PITRM1: variants seen among roughly 807,000 people sequenced by gnomAD.
PITRM1 encodes the protein pitrilysin metallopeptidase 1.
In PITRM1, 100 loss-of-function variants were observed where a neutral mutation model predicts 129.9. That is an observed-to-expected ratio of 0.77 (90% CI 0.65 to 0.91). The LOEUF is 0.91. Among genes scored for constraint, PITRM1 ranks in the 40% least tolerant of loss-of-function variants. The pLI is 0.00. For synonymous variants in PITRM1, 591 were observed against 508.8 expected (o/e 1.16, Z -2.17); for missense variants, 1,471 against 1,318.3 (o/e 1.12, Z -1.79).
chr10:3,145,478 G>C, intron 21 of PITRM1, 118 bp downstream of exon 21: 1 of 806,380 alleles, frequency 1.2e-6, no homozygotes, highest in Non-Finnish European at 2.0e-6. Flanking sequence ...CTGCGTACGG[G>C]GGATATGAAC....
At chr10:3,144,388 G>GA in intron 21 of PITRM1, 22 bp from the exon 22 acceptor site, 1 of 1,464,712 alleles carries the variant, frequency 6.8e-7, no homozygotes, top group Non-Finnish European at 9.3e-7. Context: ...GTTTCCAAGA[G>GA]AAAAGAGAAA....
intron 7 of PITRM1, among the ~76,000 whole-genome samples, chr10:3,161,851 GAAAAAA>G (rs10567396): frequency 7.3e-6 from 1 of 136,386 alleles, no homozygotes; most frequent in Non-Finnish European, 1.7e-5. Flanking sequence ...CAAGACTGGG[GAAAAAA>G]AAAAAAAAGA....
intron 14 of PITRM1, among the ~76,000 whole-genome samples, chr10:3,152,379 G>A (rs575005335): frequency 6.6e-6 from 1 of 152,230 alleles, no homozygotes; most frequent in South Asian, 2.1e-4. Context: ...CTCAGTCCCC[G>A]CAGACAGCAC....
At chr10:3,169,899 G>A (rs1397666832) in intron 2 of PITRM1, among the ~76,000 whole-genome samples, 1 of 152,210 alleles carries the variant, frequency 6.6e-6, no homozygotes, top group East Asian at 1.9e-4. Context: ...ACCAGGCTTT[G>A]CGGGATTCCA....
chr10:3,159,111 C>A, intron 9 of PITRM1, 69 bp from the exon 10 acceptor site: 1 of 1,345,608 alleles, frequency 7.4e-7, no homozygotes, highest in Non-Finnish European at 1.0e-6. Flanking sequence ...CCCTTATGCA[C>A]ATTTTATTTA....
At chr10:3,143,855 G>A (rs750811994) in intron 22 of PITRM1, 6 of 555,592 alleles carry the variant, frequency 1.1e-5, no homozygotes, top group Non-Finnish European at 2.1e-5. Flanking sequence ...TTATATCATA[G>A]GAATGTGTTA....
chr10:3,166,839 GTTC>G (rs1842906595), intron 3 of PITRM1, 94 bp downstream of exon 3: 4 of 682,382 alleles, frequency 5.9e-6, no homozygotes, highest in South Asian at 5.6e-5. Flanking sequence ...TAAGACAGTT[GTTC>G]TTCTTCCATT....
chr10:3,137,865 C>T lies in PITRM1; in HGVS notation c.*166G>A. Reference sequence around the variant, plus strand: ...CATGATTATTTCAATGAACCTCTTCCTGGTCACTCTTAAGATAGATCTGAG... The same window carrying T: ...CATGATTATTTCAATGAACCTCTTCTTGGTCACTCTTAAGATAGATCTGAG... On this transcript the variant is annotated 3_prime_UTR_variant, in exon 27 of 27. Coordinates refer to ENST00000224949, the MANE Select transcript of PITRM1 (RefSeq NM_014889.4). 1 of 592,792 alleles carries T rather than the reference C, an allele frequency of 1.7e-6. No homozygotes were observed. Among genetic ancestry groups the T allele is most frequent in the Non-Finnish European group, 3.0e-6 (1 of 332,112 alleles). The allele number at this position is 592,792 out of a possible 1,614,324, so 36.7% of individuals were successfully genotyped here.
At chr10:3,168,180 A>T (rs1198898688) in intron 2 of PITRM1, among the ~76,000 whole-genome samples, 2 of 152,078 alleles carry the variant, frequency 1.3e-5, no homozygotes, top group African/African-American at 2.4e-5. Context: ...GGGTCTCCTC[A>T]GCCCAATCTA....
intron 24 of PITRM1, among the ~76,000 whole-genome samples, chr10:3,139,798 C>T (rs1277154882): frequency 6.6e-6 from 1 of 152,236 alleles, no homozygotes; most frequent in African/African-American, 2.4e-5. Context: ...GTAGCTAGGA[C>T]CACAGGCACT....
At chr10:3,163,704 A>G (rs1249988305) in intron 7 of PITRM1, 21 bp downstream of exon 7, 3 of 1,577,662 alleles carry the variant, frequency 1.9e-6, no homozygotes, top group East Asian at 4.6e-5. Context: ...CCACCATCAA[A>G]CTTTTCCAAC....
At chr10:3,151,945 G>C (rs900531730) in intron 14 of PITRM1, among the ~76,000 whole-genome samples, 3 of 151,716 alleles carry the variant, frequency 2.0e-5, no homozygotes, top group African/African-American at 4.8e-5. Flanking sequence ...ACGAGGTTTT[G>C]CCATGTTGCC....
chr10:3,149,438 T>C lies in PITRM1; in HGVS notation c.1871+183A>G, dbSNP rs950482789. On this transcript the variant is annotated intron_variant, in intron 16 of 26. Coordinates refer to ENST00000224949, the MANE Select transcript of PITRM1 (RefSeq NM_014889.4). Reference sequence around the variant, plus strand: ...CCGTAGATTCATAACTATTTCAATGTAATATAGTAAGAAAATGTTACTTTC... The same window carrying C: ...CCGTAGATTCATAACTATTTCAATGCAATATAGTAAGAAAATGTTACTTTC... The C allele has an allele frequency of 2.7e-5, 14 of 519,552 alleles. No individual in the cohort carries two copies. The East Asian group carries it at 4.6e-4, about 17-fold the overall frequency. The allele number at this position is 519,552 out of a possible 1,614,324, so 32.2% of individuals were successfully genotyped here.
At chr10:3,171,697 C>T (rs951978408) in intron 1 of PITRM1, among the ~76,000 whole-genome samples, 1 of 152,142 alleles carries the variant, frequency 6.6e-6, no homozygotes, top group Non-Finnish European at 1.5e-5. Flanking sequence ...CCTTGGCCTC[C>T]CAACATGCTG....
At position 3,143,911 on chromosome 10, in the gene PITRM1, A is replaced by T. The variant is rs56724655; in HGVS notation, c.2532+381T>A. 7.6e-3 allele frequency: 3,937 copies of T among 516,856 alleles called. 31 individuals carry two copies. Among genetic ancestry groups the T allele is most frequent in the Middle Eastern group, 0.023 (70 of 3,008 alleles). The allele number at this position is 516,856 out of a possible 1,614,324, so 32.0% of individuals were successfully genotyped here. A position where few individuals can be genotyped will look rare whatever the true frequency, so the allele number is the denominator to read the frequency against. On this transcript the variant is annotated intron_variant, in intron 22 of 26. Coordinates refer to ENST00000224949, the MANE Select transcript of PITRM1 (RefSeq NM_014889.4). Reference sequence around the variant, plus strand: ...AACCAAACCAAACAGCATCAGCACCAGGCTGAGTCGCGGAAAGGATCTGTC... The same window carrying T: ...AACCAAACCAAACAGCATCAGCACCTGGCTGAGTCGCGGAAAGGATCTGTC...
chr10:3,140,069 CTA>C (rs1290902559), intron 24 of PITRM1, among the ~76,000 whole-genome samples: 1 of 152,198 alleles, frequency 6.6e-6, no homozygotes, highest in Non-Finnish European at 1.5e-5. Flanking sequence ...ACTATGGATA[CTA>C]TGTTTTTTTC....
At chr10:3,144,431 AAC>A in intron 21 of PITRM1, 65 bp from the exon 22 acceptor site, 2 of 931,216 alleles carry the variant, frequency 2.1e-6, no homozygotes, top group Middle Eastern at 2.2e-4. Flanking sequence ...TATAAGAAGT[AAC>A]AGAGTTTATA....
chr10:3,148,072 A>G lies in PITRM1; in HGVS notation c.1993-9T>C. ...GAGGAGAAAAGCACACCCTGAACCAAAGAAAACACAGAAGAAAGGAATTAG... is the reference window on the plus strand; with the variant it reads ...GAGGAGAAAAGCACACCCTGAACCAGAGAAAACACAGAAGAAAGGAATTAG... On this transcript the variant is annotated splice_polypyrimidine_tract_variant and intron_variant, in intron 17 of 26. Transcript: ENST00000224949. 1 of 1,613,846 alleles carries G rather than the reference A, an allele frequency of 6.2e-7. No individual in the cohort carries two copies. Among genetic ancestry groups the G allele is most frequent in the Non-Finnish European group, 8.5e-7 (1 of 1,179,714 alleles).
chr10:3,155,148 C>T (rs1841871208), intron 14 of PITRM1, among the ~76,000 whole-genome samples: 1 of 152,166 alleles, frequency 6.6e-6, no homozygotes, highest in Non-Finnish European at 1.5e-5. Flanking sequence ...CCCACCGCTC[C>T]ACCATCCCTG....
Sources: gnomAD v4.1 joint callset for allele counts (sites outside exome capture counted in the v4.1 genomes callset) on GRCh38, gnomAD v4.1.1 for gene constraint, MANE v1.5 for transcripts, NCBI Gene and HGNC (gene_info 2026-07-23, HGNC 2026-07-21) for gene names.